Variants in CNTNAP2 observed in about 807,000 individuals in gnomAD.
CNTNAP2 encodes the protein contactin associated protein 2.
Under a neutral mutation model 155.2 loss-of-function variants are expected in CNTNAP2, and 98 were observed. That is an observed-to-expected ratio of 0.63 (90% CI 0.54 to 0.75). CNTNAP2 has a LOEUF of 0.75. Among genes scored for constraint, CNTNAP2 ranks in the 30% least tolerant of loss-of-function variants. CNTNAP2 has a pLI of 0.00. For missense variants in CNTNAP2, 1,727 were observed against 1,688.1 expected (o/e 1.02, Z -0.40); for synonymous variants, 651 against 631.2 (o/e 1.03, Z -0.47).
intron 13 of CNTNAP2, among the ~76,000 whole-genome samples, chr7:147,880,854 G>GGTGTGTGT (rs71183032): frequency 0.025 from 3,594 of 143,106 alleles, 113 homozygotes; most frequent in Admixed American, 0.083. Flanking sequence ...ATTGGAGTTG[G>GGTGTGTGT]GTGTGTGTGT....
At chr7:147,242,987 ATTTTTTTTTTTTTTTT>A (rs766917054) in intron 8 of CNTNAP2, among the ~76,000 whole-genome samples, 2 of 47,168 alleles carry the variant, frequency 4.2e-5, no homozygotes, top group Non-Finnish European at 7.1e-5. Flanking sequence ...TATGCTTTGC[ATTTTTTTTTTTTTTTT>A]TTTTTTTTTT....
chr7:147,486,101 C>T (rs1798506038), intron 11 of CNTNAP2, 60 bp downstream of exon 11: 1 of 1,468,316 alleles, frequency 6.8e-7, no homozygotes, highest in African/African-American at 1.4e-5. Context: ...AAGTCTTGAG[C>T]TGTGCTTTGA....
intron 4 of CNTNAP2, among the ~76,000 whole-genome samples, chr7:147,048,067 A>ATTTTTT (rs11352009): frequency 1.9e-4 from 17 of 90,370 alleles, no homozygotes; most frequent in East Asian, 3.4e-4. Context: ...CGGAGAGACA[A>ATTTTTT]TTTTTTTTTT....
intron 1 of CNTNAP2, among the ~76,000 whole-genome samples, chr7:146,460,259 G>A (rs940781738): frequency 6.6e-6 from 1 of 152,074 alleles, no homozygotes; most frequent in Non-Finnish European, 1.5e-5. Context: ...TTATAACAAG[G>A]ATTATTAATT....
At chr7:146,888,452 G>A (rs1795712471) in intron 3 of CNTNAP2, among the ~76,000 whole-genome samples, 1 of 151,794 alleles carries the variant, frequency 6.6e-6, no homozygotes, top group African/African-American at 2.4e-5. Flanking sequence ...TCATATGTAA[G>A]GTAACTTCCA....
chr7:147,600,201 T>C lies in CNTNAP2; in HGVS notation c.1897+37944T>C, dbSNP rs144745429. 5.3e-5 allele frequency among the ~76,000 whole-genome samples: 8 copies of C among 152,356 alleles called. No homozygotes were observed. The East Asian group carries it at 1.3e-3, about 26-fold the overall frequency. ...CATAACTTGATCACTCCTATGGAACTGACTGTCATTTCTCAGTTTCATTCT... is the reference window on the plus strand; with the variant it reads ...CATAACTTGATCACTCCTATGGAACCGACTGTCATTTCTCAGTTTCATTCT... On this transcript the variant is annotated intron_variant, in intron 12 of 23. Transcript: ENST00000361727.
rs1040542273 is a variant in CNTNAP2, at chr7:148,414,221, A to C, written c.3797-1196A>C. Among the ~76,000 whole-genome samples the C allele has an allele frequency of 4.0e-5, 6 of 150,938 alleles. No individual in the cohort carries two copies. In the Admixed American group the frequency reaches 4.0e-4, roughly 10 times the overall value. ...CATCTTGGCTAGCTGGGATCACAGG[A>C]GCGTGCCACCATGCCTGGCTGATTT... On this transcript the variant is annotated intron_variant, in intron 23 of 23. Coordinates refer to ENST00000361727, the MANE Select transcript of CNTNAP2 (RefSeq NM_014141.6).
At chr7:147,513,213 G>A (rs1799052212) in intron 11 of CNTNAP2, among the ~76,000 whole-genome samples, 1 of 152,022 alleles carries the variant, frequency 6.6e-6, no homozygotes, top group South Asian at 2.1e-4. Flanking sequence ...AACTAAAGAG[G>A]AATAAAAGAC....
chr7:146,655,515 T>C (rs576601403), intron 1 of CNTNAP2, among the ~76,000 whole-genome samples: 1 of 152,174 alleles, frequency 6.6e-6, no homozygotes, highest in Admixed American at 6.6e-5. Flanking sequence ...TACAAATATA[T>C]TCTTTCAAAA....
At chr7:146,844,079 T>G (rs2129201558) in intron 3 of CNTNAP2, among the ~76,000 whole-genome samples, 1 of 152,224 alleles carries the variant, frequency 6.6e-6, no homozygotes, top group African/African-American at 2.4e-5. Context: ...GTATTCTTAT[T>G]AAATGTTCAT....
At chr7:146,174,413 G>T (rs1798440277) in intron 1 of CNTNAP2, among the ~76,000 whole-genome samples, 1 of 151,972 alleles carries the variant, frequency 6.6e-6, no homozygotes, top group African/African-American at 2.4e-5. Context: ...TAGAAACAGG[G>T]TTTTGCCATA....
intron 3 of CNTNAP2, 58 bp downstream of exon 3, chr7:146,839,962 G>A (rs895578065): frequency 6.4e-7 from 1 of 1,564,872 alleles, no homozygotes; most frequent in African/African-American, 1.3e-5. Flanking sequence ...TTAGAAAATG[G>A]TACAGGATTT....
intron 1 of CNTNAP2, among the ~76,000 whole-genome samples, chr7:146,151,732 A>G (rs923662802): frequency 1.6e-4 from 21 of 130,808 alleles, no homozygotes; most frequent in Non-Finnish European, 2.9e-4. Flanking sequence ...ATATATGCGC[A>G]ATGGAATACT....
intron 1 of CNTNAP2, among the ~76,000 whole-genome samples, chr7:146,733,613 C>T (rs1237855771): frequency 2.6e-5 from 4 of 151,978 alleles, no homozygotes; most frequent in South Asian, 2.1e-4. Flanking sequence ...TTTCCTATAG[C>T]GAATAAACTG....
At chr7:147,656,709 T>G (rs531986513) in intron 13 of CNTNAP2, among the ~76,000 whole-genome samples, 1 of 152,236 alleles carries the variant, frequency 6.6e-6, no homozygotes, top group East Asian at 1.9e-4. Flanking sequence ...TTTTAAATTT[T>G]GAAAGAATTA....
intron 21 of CNTNAP2, among the ~76,000 whole-genome samples, chr7:148,286,317 G>T (rs1047354916): frequency 6.6e-6 from 1 of 152,172 alleles, no homozygotes; most frequent in African/African-American, 2.4e-5. Flanking sequence ...CCATCTCTCT[G>T]TGTCGATCCT....
At chr7:147,346,992 A>G (rs180857377) in intron 9 of CNTNAP2, among the ~76,000 whole-genome samples, 69 of 152,218 alleles carry the variant, frequency 4.5e-4, no homozygotes, top group Non-Finnish European at 8.8e-4. Flanking sequence ...CAAAAAATAC[A>G]CACTAGTCAT....
chr7:147,038,842 A>T (rs149992985), intron 3 of CNTNAP2, among the ~76,000 whole-genome samples: 1 of 152,190 alleles, frequency 6.6e-6, no homozygotes, highest in Non-Finnish European at 1.5e-5. Flanking sequence ...GTTAAAAATT[A>T]TAAGATGTAT....
At chr7:146,874,102 G>A (rs190987677) in intron 3 of CNTNAP2, among the ~76,000 whole-genome samples, 27 of 151,958 alleles carry the variant, frequency 1.8e-4, no homozygotes, top group Admixed American at 7.9e-4. Context: ...TTAAATTCTC[G>A]GGAGAAGTGA....
Sources: gnomAD v4.1 joint callset for allele counts (sites outside exome capture counted in the v4.1 genomes callset) on GRCh38, gnomAD v4.1.1 for gene constraint, MANE v1.5 for transcripts, NCBI Gene and HGNC (gene_info 2026-07-23, HGNC 2026-07-21) for gene names.